The following SUPT3H variants were observed in gnomAD, a reference collection of about 807,000 sequenced individuals.
SUPT3H encodes transcription initiation protein SPT3 homolog.
Under a neutral mutation model 44.3 loss-of-function variants are expected in SUPT3H, and 44 were observed. That is an observed-to-expected ratio of 0.99 (90% CI 0.78 to 1.28). SUPT3H has a LOEUF of 1.28. Ranked by LOEUF, SUPT3H falls within the 50% of genes most tolerant of loss-of-function variation. The pLI is 0.00. For synonymous variants in SUPT3H, 124 were observed against 125.6 expected, an observed-to-expected ratio of 0.99 and a Z score of 0.09; for missense variants, 380 against 387.1, an observed-to-expected ratio of 0.98 and a Z score of 0.15.
chr6:45,332,359 TAAAAAA>T, intron 2 of SUPT3H, among the ~76,000 whole-genome samples: 1 of 151,574 alleles, frequency 6.6e-6, no homozygotes, highest in South Asian at 2.1e-4. Flanking sequence ...TATATATATT[TAAAAAA>T]AAGGAAAAGG....
chr6:45,208,857 CTTG>C (rs1425821008), intron 2 of SUPT3H, among the ~76,000 whole-genome samples: 250 of 24,676 alleles, frequency 0.01, no homozygotes, highest in Non-Finnish European at 0.013. Flanking sequence ...GGCTGACCCT[CTTG>C]TTAGGGGCTC....
intron 6 of SUPT3H, among the ~76,000 whole-genome samples, chr6:44,978,696 G>C (rs1467526200): frequency 6.6e-6 from 1 of 152,104 alleles, no homozygotes; most frequent in East Asian, 1.9e-4. Context: ...TTCGTTCTAA[G>C]TAATAGAATA....
chr6:45,022,982 C>G (rs1456450079), intron 3 of SUPT3H, among the ~76,000 whole-genome samples: 2 of 152,008 alleles, frequency 1.3e-5, no homozygotes, highest in Non-Finnish European at 2.9e-5. Context: ...GGTCAAGGGT[C>G]AACTGTGTTA....
chr6:45,145,321 C>T (rs1357626865), intron 2 of SUPT3H, among the ~76,000 whole-genome samples: 2 of 151,964 alleles, frequency 1.3e-5, no homozygotes, highest in East Asian at 3.8e-4. Flanking sequence ...AAAATAGGCA[C>T]ATAGAGCAAT....
intron 2 of SUPT3H, among the ~76,000 whole-genome samples, chr6:45,220,074 A>ACCCATTT (rs1765778862): frequency 7.0e-6 from 1 of 143,796 alleles, no homozygotes; most frequent in Non-Finnish European, 1.5e-5. Flanking sequence ...AAAGAATTAC[A>ACCCATTT]CCCATTTTCA....
At chr6:45,176,894 A>T (rs1308039843) in intron 2 of SUPT3H, among the ~76,000 whole-genome samples, 3 of 127,834 alleles carry the variant, frequency 2.3e-5, no homozygotes, top group Non-Finnish European at 4.9e-5. Flanking sequence ...AACAGAAGGG[A>T]CATCCACACC....
At chr6:45,349,588 T>C (rs1159510245) in intron 2 of SUPT3H, among the ~76,000 whole-genome samples, 4 of 152,206 alleles carry the variant, frequency 2.6e-5, no homozygotes, top group African/African-American at 9.7e-5. Flanking sequence ...GGCTCTCAGG[T>C]GATTCTAATG....
chr6:45,186,011 C>G (rs1814146049), intron 2 of SUPT3H, among the ~76,000 whole-genome samples: 1 of 152,086 alleles, frequency 6.6e-6, no homozygotes, highest in African/African-American at 2.4e-5. Flanking sequence ...CAGCAGGGGA[C>G]CAATGTTAAA....
At chr6:45,247,432 A>G (rs1044893343) in intron 2 of SUPT3H, among the ~76,000 whole-genome samples, 1 of 152,182 alleles carries the variant, frequency 6.6e-6, no homozygotes, top group Non-Finnish European at 1.5e-5. Context: ...GTGATTTATT[A>G]TAAAGACCTG....
intron 10 of SUPT3H, among the ~76,000 whole-genome samples, chr6:44,852,908 CTT>C (rs1282331207): frequency 6.6e-6 from 1 of 152,206 alleles, no homozygotes; most frequent in East Asian, 1.9e-4. Context: ...TTGTTTTGCA[CTT>C]TGTCTTGCAG....
Position 44,913,740 on chromosome 6 carries a change from T to C in SUPT3H, c.912+18913A>G, listed in dbSNP as rs184962281. ...TGAGAACACACATTCATCTAACAAATAGATGCGTCTTACTGTCCATATTAT... is the reference window on the plus strand; with the variant it reads ...TGAGAACACACATTCATCTAACAAACAGATGCGTCTTACTGTCCATATTAT... On this transcript the variant is annotated intron_variant, in intron 10 of 10. Transcript: ENST00000371459. 6.6e-5 allele frequency among the ~76,000 whole-genome samples: 10 copies of C among 152,300 alleles called. No individual in the cohort carries two copies. The East Asian group carries it at 1.5e-3, about 24-fold the overall frequency.
intron 2 of SUPT3H, among the ~76,000 whole-genome samples, chr6:45,346,567 C>CTTTTTTTTTTTTTT (rs71745024): frequency 2.1e-5 from 3 of 140,430 alleles, no homozygotes. Context: ...ATAAACATTT[C>CTTTTTTTTTTTTTT]TTTTTTTTTT....
intron 2 of SUPT3H, among the ~76,000 whole-genome samples, chr6:45,298,236 C>CA (rs1781597568): frequency 6.6e-6 from 1 of 152,116 alleles, no homozygotes; most frequent in Non-Finnish European, 1.5e-5. Context: ...ACACAGAAGA[C>CA]AGACTGGAAG....
chr6:45,180,786 A>G (rs1199103706), intron 2 of SUPT3H, among the ~76,000 whole-genome samples: 3 of 152,116 alleles, frequency 2.0e-5, no homozygotes, highest in Non-Finnish European at 2.9e-5. Context: ...CCTAGGCAAT[A>G]CCATTCAGGA....
chr6:45,216,083 GCTATC>G, intron 2 of SUPT3H, among the ~76,000 whole-genome samples: 1 of 152,092 alleles, frequency 6.6e-6, no homozygotes, highest in Non-Finnish European at 1.5e-5. Context: ...ACACAGCAAG[GCTATC>G]CTTCAGAGAT....
At chr6:44,962,976 C>T (rs966490597) in intron 6 of SUPT3H, among the ~76,000 whole-genome samples, 50 of 151,784 alleles carry the variant, frequency 3.3e-4, no homozygotes, top group African/African-American at 1.2e-3. Flanking sequence ...CCAAGTCTAT[C>T]TTGGTTATTT....
intron 2 of SUPT3H, among the ~76,000 whole-genome samples, chr6:45,244,171 C>A (rs1442509252): frequency 6.6e-6 from 1 of 152,198 alleles, no homozygotes; most frequent in African/African-American, 2.4e-5. Flanking sequence ...GCCATGGCAT[C>A]TGGCTGTTTT....
At chr6:44,927,513 C>T (rs1451442986) in intron 10 of SUPT3H, among the ~76,000 whole-genome samples, 1 of 152,086 alleles carries the variant, frequency 6.6e-6, no homozygotes, top group Admixed American at 6.5e-5. Context: ...TGTAAAATCA[C>T]AAACACTGAA....
At chr6:45,143,169 AT>A (rs1805522103) in intron 2 of SUPT3H, among the ~76,000 whole-genome samples, 1 of 152,178 alleles carries the variant, frequency 6.6e-6, no homozygotes, top group Admixed American at 6.6e-5. Flanking sequence ...GCAAATCGAC[AT>A]AGAAACAACG....
Sources: allele counts gnomAD v4.1 joint callset (sites outside exome capture counted in the v4.1 genomes callset), GRCh38; gene constraint gnomAD v4.1.1; transcripts MANE v1.5; gene names NCBI Gene and HGNC (gene_info 2026-07-23, HGNC 2026-07-21).